ZC3H3: variants seen among roughly 807,000 people sequenced by gnomAD.
ZC3H3 encodes zinc finger CCCH domain-containing protein 3.
A neutral mutation model predicts 77.3 loss-of-function variants in ZC3H3; 36 were observed. The ratio of observed to expected loss-of-function variants is 0.47; its 90% CI spans 0.36 to 0.61. The LOEUF is 0.61. Among genes scored for constraint, ZC3H3 ranks in the 20% least tolerant of loss-of-function variants. ZC3H3 has a pLI of 0.00. For missense variants in ZC3H3, 1,331 were observed against 1,312.2 expected, an observed-to-expected ratio of 1.01 and a Z score of -0.22; for synonymous variants, 626 against 555.2, an observed-to-expected ratio of 1.13 and a Z score of -1.79.
chr8:143,477,622 C>T (rs1483269323), intron 4 of ZC3H3, among the ~76,000 whole-genome samples: 1 of 152,228 alleles, frequency 6.6e-6, no homozygotes, highest in Non-Finnish European at 1.5e-5. Context: ...ACCTCCTGCA[C>T]CAGCCTCTCA....
At chr8:143,509,934 AGCACAT>A (rs1821820686) in intron 3 of ZC3H3, among the ~76,000 whole-genome samples, 11 of 152,208 alleles carry the variant, frequency 7.2e-5, no homozygotes, top group Admixed American at 7.2e-4. Flanking sequence ...TCCCAGGTCC[AGCACAT>A]GCCAAGTCCT....
chr8:143,490,667 C>T (rs1821176119), intron 4 of ZC3H3, among the ~76,000 whole-genome samples: 1 of 152,214 alleles, frequency 6.6e-6, no homozygotes, highest in African/African-American at 2.4e-5. Flanking sequence ...GTAATCCCAG[C>T]ACTTTGGGAG....
intron 9 of ZC3H3, among the ~76,000 whole-genome samples, chr8:143,464,751 G>A (rs187868410): frequency 1.8e-4 from 27 of 152,284 alleles, no homozygotes; most frequent in African/African-American, 1.4e-4. Context: ...GCAGTGAGCC[G>A]TGCTGCAGGC....
At chr8:143,514,292 G>A (rs1352098508) in intron 3 of ZC3H3, among the ~76,000 whole-genome samples, 1 of 152,112 alleles carries the variant, frequency 6.6e-6, no homozygotes, top group African/African-American at 2.4e-5. Flanking sequence ...GCCTCAGGCC[G>A]TGTGTCCCCA....
rs3750209 is a variant in ZC3H3 at position 143,538,701 on chromosome 8, A to G, written c.666T>C (p.Ser222=). The G allele has an allele frequency of 0.14, 230,269 of 1,608,074 alleles. 17,146 individuals carry two copies. The highest frequency in any genetic ancestry group is 0.21 in the African/African-American group (15,858 of 75,006). Residue 222 remains serine, a synonymous_variant, in exon 2 of 12, where the codon AGT becomes AGC. Transcript: ENST00000262577. ...PREPRRTVSE[S]VIAVKASFPS... ...GGAAGCTCGCCTTGACGGCAATCAC[A>G]CTCTCACTGACTGTCCGGCGGGGCT...
rs1259726113 is a variant in ZC3H3 at position 143,507,775 on chromosome 8, G to A, written c.1686C>T (p.Ser562=). The change falls in exon 4 of 12, where the codon TCC becomes TCT. Residue 562 remains serine (S), a synonymous_variant. Transcript: ENST00000262577. ...ATAGTGAGAGCCGCCGGGCCCGCCA[G>A]GAGGGCAGAGACAGGGGGAAGGGCG... ...SAPPFPLSLP[S]WRARRLSLSR... 1.3e-6 allele frequency: 2 copies of A among 1,594,958 alleles called. No individual in the cohort carries two copies. The highest frequency in any genetic ancestry group is 1.7e-6 in the Non-Finnish European group (2 of 1,172,222).
At chr8:143,480,042 G>A (rs1010784572) in intron 4 of ZC3H3, among the ~76,000 whole-genome samples, 2 of 152,166 alleles carry the variant, frequency 1.3e-5, no homozygotes, top group African/African-American at 4.8e-5. Flanking sequence ...CCTCAGCCTG[G>A]GCCCCTCGGA....
intron 4 of ZC3H3, among the ~76,000 whole-genome samples, chr8:143,482,231 C>T (rs1359526485): frequency 6.6e-6 from 1 of 152,252 alleles, no homozygotes; most frequent in Admixed American, 6.5e-5. Context: ...TTTGCACGTG[C>T]TGTCCCTCTG....
chr8:143,447,425 GT>G (rs1819887284), intron 9 of ZC3H3, among the ~76,000 whole-genome samples: 1 of 152,222 alleles, frequency 6.6e-6, no homozygotes. Context: ...ATGGAATGTA[GT>G]ATCTTGGAAC....
intron 3 of ZC3H3, among the ~76,000 whole-genome samples, chr8:143,512,870 G>A (rs1178907259): frequency 6.6e-6 from 1 of 152,252 alleles, no homozygotes; most frequent in Non-Finnish European, 1.5e-5. Context: ...GTGCTCAGTG[G>A]CGCGGGGAGG....
chr8:143,523,350 G>A (rs1822310783), intron 3 of ZC3H3: 1 of 985,336 alleles, frequency 1.0e-6, no homozygotes, highest in African/African-American at 1.7e-5. Context: ...CCAGATGGGG[G>A]TCCCACAAGA....
chr8:143,458,200 C>T (rs1349394819), intron 9 of ZC3H3, among the ~76,000 whole-genome samples: 3 of 152,218 alleles, frequency 2.0e-5, no homozygotes, highest in African/African-American at 7.2e-5. Context: ...ATACTTCAAA[C>T]AATTATACAC....
chr8:143,517,789 C>T (rs772484125), intron 3 of ZC3H3, among the ~76,000 whole-genome samples: 2 of 152,164 alleles, frequency 1.3e-5, no homozygotes, highest in Non-Finnish European at 2.9e-5. Flanking sequence ...CTGCTTTGAC[C>T]CCCCGCTCCT....
intron 5 of ZC3H3, among the ~76,000 whole-genome samples, chr8:143,474,894 G>A (rs886420281): frequency 1.3e-5 from 2 of 152,212 alleles, no homozygotes; most frequent in Non-Finnish European, 2.9e-5. Flanking sequence ...TTGTCGAGGC[G>A]TCGCCAATGC....
intron 3 of ZC3H3, among the ~76,000 whole-genome samples, chr8:143,517,041 A>G (rs577642253): frequency 6.6e-6 from 1 of 152,244 alleles, no homozygotes; most frequent in African/African-American, 2.4e-5. Context: ...CTGGAGACGC[A>G]GCACCACCGA....
intron 9 of ZC3H3, among the ~76,000 whole-genome samples, chr8:143,463,112 T>C (rs1408918277): frequency 6.6e-6 from 1 of 151,792 alleles, no homozygotes; most frequent in Non-Finnish European, 1.5e-5. Flanking sequence ...GCCTCCCGAG[T>C]AGCTGGGATT....
chr8:143,504,345 G>A (rs994485526), intron 4 of ZC3H3, among the ~76,000 whole-genome samples: 1 of 152,172 alleles, frequency 6.6e-6, no homozygotes, highest in African/African-American at 2.4e-5. Flanking sequence ...GGCAGGGGAG[G>A]TCCCAGGGAC....
intron 4 of ZC3H3, among the ~76,000 whole-genome samples, chr8:143,490,050 C>G (rs1408229175): frequency 6.6e-6 from 1 of 152,158 alleles, no homozygotes; most frequent in Non-Finnish European, 1.5e-5. Flanking sequence ...CTTAGACACC[C>G]GTGGTTCCTA....
At chr8:143,532,454 G>C (rs1822646923) in intron 3 of ZC3H3, among the ~76,000 whole-genome samples, 1 of 152,266 alleles carries the variant, frequency 6.6e-6, no homozygotes, top group Non-Finnish European at 1.5e-5. Context: ...GGTGGAGCTG[G>C]AACTAAGCTT....
Sources: allele counts gnomAD v4.1 joint callset (sites outside exome capture counted in the v4.1 genomes callset), GRCh38; gene constraint gnomAD v4.1.1; transcripts MANE v1.5; gene names NCBI Gene and HGNC (gene_info 2026-07-23, HGNC 2026-07-21).